ADCY10: variants seen among roughly 807,000 people sequenced by gnomAD.
ADCY10 encodes the protein adenylate cyclase 10, also known as adenylate cyclase type 10.
Under a neutral mutation model 183.3 loss-of-function variants are expected in ADCY10, and 156 were observed. That is an observed-to-expected ratio of 0.85 (90% CI 0.75 to 0.97). ADCY10 has a LOEUF of 0.97. Ranked by LOEUF, ADCY10 falls within the 50% of genes least tolerant of loss-of-function variation. ADCY10 has a pLI of 0.00. For missense variants in ADCY10, 1,745 were observed against 1,934.3 expected, an observed-to-expected ratio of 0.90 and a Z score of 1.84; for synonymous variants, 645 against 670.0, an observed-to-expected ratio of 0.96 and a Z score of 0.58.
chr1:167,899,807 T>C (rs1669265988), intron 5 of ADCY10, among the ~76,000 whole-genome samples, 179 bp from the exon 6 acceptor site: 1 of 152,154 alleles, frequency 6.6e-6, no homozygotes, highest in African/African-American at 2.4e-5. Context: ...CTTCCAAAGC[T>C]CCCCTTCTTC....
rs999048613 is a variant in ADCY10 at position 167,818,324 on chromosome 1, C to T, written c.4287-57G>A. ...GTATCACCCATTAGGAATAGGCTGG[C>T]TTTCTGAAATGTCTCTCTGGATGTG... On this transcript the variant is annotated intron_variant, in intron 30 of 32. Transcript: ENST00000367851. The T allele has an allele frequency of 7.3e-6, 11 of 1,505,570 alleles. No individual in the cohort carries two copies. In the African/African-American group the frequency reaches 1.5e-4, roughly 21 times the overall value. 93.3% of individuals were successfully genotyped at this position (1,505,570 alleles called of 1,614,324 possible).
chr1:167,864,708 A>T (rs1370490901), intron 14 of ADCY10, among the ~76,000 whole-genome samples: 1 of 152,236 alleles, frequency 6.6e-6, no homozygotes, highest in Non-Finnish European at 1.5e-5. Flanking sequence ...AGGTAAATTT[A>T]AAACCTAAAA....
chr1:167,833,048 C>T lies in ADCY10; in HGVS notation c.3532G>A (p.Val1178Ile), dbSNP rs1663878934. Residue 1178 changes from valine to isoleucine, a missense_variant, in exon 25 of 33, where the codon GTC (valine) becomes ATC (isoleucine). Transcript: ENST00000367851. Reference protein sequence around the residue: ...NLISLFLHIHVEKNRHFHYVN... With the variant: ...NLISLFLHIHIEKNRHFHYVN... ...TAATGAAAGTGTCTGTTTTTCTCGA[C>T]ATGGATATGGAGAAACAAGGAGATT... 2 of 1,614,014 alleles carry T rather than the reference C, an allele frequency of 1.2e-6. No homozygotes were observed. Among genetic ancestry groups the T allele is most frequent in the Non-Finnish European group, 1.7e-6 (2 of 1,180,040 alleles).
At position 167,899,688 on chromosome 1, in the gene ADCY10, C is replaced by T. The variant is rs1036562182; in HGVS notation, c.437-60G>A. ...AGTTCTGGATTATTTCCCAGCAGCA[C>T]AGGTTTTTGGAAAAACCATAATCTT... On this transcript the variant is annotated intron_variant, in intron 5 of 32. Transcript: ENST00000367851. 8.4e-6 allele frequency: 13 copies of T among 1,546,494 alleles called. No individual in the cohort carries two copies. The Admixed American group carries it at 2.2e-4, about 27-fold the overall frequency.
chr1:167,822,879 C>A, intron 29 of ADCY10, 129 bp downstream of exon 29: 2 of 799,460 alleles, frequency 2.5e-6, no homozygotes, highest in East Asian at 5.2e-5. Context: ...AGCCTCTCTC[C>A]ATCCCTGCCC....
At chr1:167,881,231 C>T (rs917086520) in intron 9 of ADCY10, among the ~76,000 whole-genome samples, 1 of 152,166 alleles carries the variant, frequency 6.6e-6, no homozygotes, top group Non-Finnish European at 1.5e-5. Context: ...CTGTTCCATG[C>T]AATGATTCAA....
In ADCY10 at chr1:167,848,393, A is replaced by T. The variant is rs1403855438; in HGVS notation, c.2405T>A (p.Leu802Gln). The T allele has an allele frequency of 1.8e-5, 29 of 1,613,912 alleles. No homozygotes were observed. The Admixed American group carries it at 4.8e-4, about 27-fold the overall frequency. The change falls in exon 19 of 33, where the codon CTG becomes CAG. Residue 802 changes from leucine (L) to glutamine (Q), a missense_variant. Leu to Gln is a moderately radical substitution (Grantham distance 113). Transcript: ENST00000367851. ...EVCHLTSGVRLKNLSPPTSLK... is the reference protein window; with the variant it reads ...EVCHLTSGVRQKNLSPPTSLK... ...TGACGTTGGAGGTGACAGGTTTTTC[A>T]GTCTGACACCACTTGTGAGGTGACA...
chr1:167,899,606 G>T lies in ADCY10; in HGVS notation c.459C>A (p.Ser153Arg). The T allele has an allele frequency of 6.2e-7, 1 of 1,614,042 alleles. No individual in the cohort carries two copies. Residue 153 changes from serine to arginine, a missense_variant, in exon 6 of 33, where the codon AGC (serine) becomes AGA (arginine). Physicochemically the swap from Ser to Arg is moderately radical, Grantham distance 110. Transcript: ENST00000367851. ...GTGTTTCATCTCCAAAGACCAACAT[G>T]CTGATGTGGCCAGCAGCCAGTCCTG... ...VKIGLAAGHI[S>R]MLVFGDETHS... is the part of the protein sequence containing the mutation.
chr1:167,898,861 C>T (rs937943323), intron 6 of ADCY10, among the ~76,000 whole-genome samples: 2 of 152,090 alleles, frequency 1.3e-5, no homozygotes, highest in Non-Finnish European at 2.9e-5. Flanking sequence ...ACTTTCATAC[C>T]CTCAAAGCAC....
At position 167,880,125 on chromosome 1, in the gene ADCY10, G is replaced by A. The variant is rs755278836; in HGVS notation, c.1206C>T (p.His402=). Reference sequence around the variant, plus strand: ...GCTGACCCAGCACACCTGTGTACTCGTGTCTCACAGTGTGTCCAACGATCC... The same window carrying A: ...GCTGACCCAGCACACCTGTGTACTCATGTCTCACAGTGTGTCCAACGATCC... ...FCGIVGHTVR[H]EYTVIGQKVN... is the part of the protein sequence containing the mutation. Residue 402 remains histidine, a synonymous_variant, in exon 11 of 33, where the codon CAC becomes CAT. Transcript: ENST00000367851. 42 of 1,612,144 alleles carry A rather than the reference G, an allele frequency of 2.6e-5. No homozygotes were observed. The East Asian group carries it at 7.8e-4, about 30-fold the overall frequency.
At chr1:167,856,814 T>C (rs1284045333) in intron 16 of ADCY10, among the ~76,000 whole-genome samples, 1 of 152,228 alleles carries the variant, frequency 6.6e-6, no homozygotes, top group Non-Finnish European at 1.5e-5. Context: ...ACAGTTGTCC[T>C]GGGGAAATCT....
intron 20 of ADCY10, 40 bp downstream of exon 20, chr1:167,845,945 G>C: frequency 6.2e-7 from 1 of 1,614,128 alleles, no homozygotes; most frequent in Non-Finnish European, 8.5e-7. Context: ...ATCTAGATGG[G>C]TCCTTAAGAG....
chr1:167,899,550 A>G lies in ADCY10; in HGVS notation c.515T>C (p.Val172Ala). 1.2e-6 allele frequency: 2 copies of G among 1,614,236 alleles called. No homozygotes were observed. Among genetic ancestry groups the G allele is most frequent in the Non-Finnish European group, 1.7e-6 (2 of 1,180,038 alleles). Residue 172 changes from valine (V) to alanine (A), a missense_variant, in exon 6 of 33, where the codon GTG (valine) becomes GCG (alanine). Physicochemically the swap from Val to Ala is moderately conservative, Grantham distance 64. Transcript: ENST00000367851. ...HSHFLVIGQA[V>A]DDVRLAQNMA... is the part of the protein sequence containing the mutation. ...GTTCTGGGCAAGGCGCACATCGTCC[A>G]CTGCCTGACCAATCACCAGAAAGTG... is the stretch of plus-strand genomic sequence containing the variant.
chr1:167,853,043 T>C (rs1665614365), intron 18 of ADCY10, among the ~76,000 whole-genome samples: 1 of 152,238 alleles, frequency 6.6e-6, no homozygotes, highest in Admixed American at 6.5e-5. Context: ...GGTGATTTTC[T>C]ATCCTGCTAC....
At chr1:167,866,547 A>T (rs1482306796) in intron 14 of ADCY10, among the ~76,000 whole-genome samples, 2 of 131,024 alleles carry the variant, frequency 1.5e-5, no homozygotes, top group African/African-American at 6.6e-5. Context: ...AAAAAAAAAA[A>T]AAAAGGGCCA....
chr1:167,901,256 T>A (rs1035772140), intron 5 of ADCY10, among the ~76,000 whole-genome samples: 1 of 152,096 alleles, frequency 6.6e-6, no homozygotes, highest in Non-Finnish European at 1.5e-5. Flanking sequence ...TCTTATGAGG[T>A]AGGGGGTGAC....
Position 167,824,677 on chromosome 1 carries a change from C to T in ADCY10, c.3929G>A (p.Gly1310Glu). 1 of 1,614,184 alleles carries T rather than the reference C, an allele frequency of 6.2e-7. No individual in the cohort carries two copies. The highest frequency in any genetic ancestry group is 8.5e-7 in the Non-Finnish European group (1 of 1,180,042). Residue 1310 changes from glycine to glutamate, a missense_variant, in exon 27 of 33, where the codon GGA becomes GAA. Transcript: ENST00000367851. Reference protein sequence around the residue: ...ETLVFNKLIMGHLDLAIELGS... With the variant: ...ETLVFNKLIMEHLDLAIELGS... ...TAACTCAATGGCCAAATCCAGGTGT[C>T]CCATTATGAGCTTGTTGAAGACCAG...
At chr1:167,847,279 A>G (rs1035342488) in intron 19 of ADCY10, among the ~76,000 whole-genome samples, 1 of 152,140 alleles carries the variant, frequency 6.6e-6, no homozygotes, top group Admixed American at 6.5e-5. Flanking sequence ...AAGACTGAGG[A>G]CCTTGAGATG....
intron 21 of ADCY10, among the ~76,000 whole-genome samples, chr1:167,842,277 C>T (rs1260139953): frequency 2.0e-5 from 3 of 152,142 alleles, no homozygotes; most frequent in Non-Finnish European, 2.9e-5. Context: ...GAAACTGGGA[C>T]TATAGATGTG....
Sources: allele counts gnomAD v4.1 joint callset (sites outside exome capture counted in the v4.1 genomes callset), GRCh38; gene constraint gnomAD v4.1.1; transcripts MANE v1.5; gene names NCBI Gene and HGNC (gene_info 2026-07-23, HGNC 2026-07-21).